ATRNL1: variants seen among roughly 807,000 people sequenced by gnomAD.
ATRNL1 encodes attractin like 1.
Under a neutral mutation model 182.7 loss-of-function variants are expected in ATRNL1, and 95 were observed. That is an observed-to-expected ratio of 0.52 (90% confidence interval 0.44 to 0.62). The LOEUF (loss-of-function observed/expected upper bound fraction) is 0.62, where lower values mean the gene tolerates loss of function less well. ATRNL1 is among the 20% of genes least tolerant of loss of function. The pLI is 0.00. For missense variants in ATRNL1, 1,471 were observed against 1,679.5 expected, an observed-to-expected ratio of 0.88 and a Z score of 2.17; for synonymous variants, 576 against 568.3, an observed-to-expected ratio of 1.01 and a Z score of -0.19.
intron 28 of ATRNL1, among the ~76,000 whole-genome samples, chr10:115,885,424 A>G (rs942156935): frequency 1.3e-5 from 2 of 152,212 alleles, no homozygotes; most frequent in Non-Finnish European, 2.9e-5. Context: ...TGCCTCAAAT[A>G]ACAAGTACTT....
intron 15 of ATRNL1, among the ~76,000 whole-genome samples, chr10:115,293,274 C>A (rs1446769001): frequency 6.6e-6 from 1 of 151,966 alleles, no homozygotes; most frequent in African/African-American, 2.4e-5. Flanking sequence ...TCTTAGGCAG[C>A]ATATTGTTAG....
chr10:115,653,928 T>C (rs1478421376), intron 26 of ATRNL1, among the ~76,000 whole-genome samples: 1 of 152,204 alleles, frequency 6.6e-6, no homozygotes, highest in Non-Finnish European at 1.5e-5. Flanking sequence ...ACATCCTTTT[T>C]TATGTGTAAC....
At chr10:115,453,985 G>T (rs933693004) in intron 21 of ATRNL1, among the ~76,000 whole-genome samples, 5 of 151,998 alleles carry the variant, frequency 3.3e-5, no homozygotes, top group African/African-American at 1.2e-4. Context: ...CCATTGTGAA[G>T]TTCTCTGTTG....
In ATRNL1 at chr10:115,165,604, G is replaced by A. The variant is rs782224122; in HGVS notation, c.1051G>A (p.Gly351Arg). 18 of 1,544,082 alleles carry A rather than the reference G, an allele frequency of 1.2e-5. No individual in the cohort carries two copies. The South Asian group carries it at 2.2e-4, about 19-fold the overall frequency. Residue 351 changes from glycine to arginine, a missense_variant, in exon 7 of 29, where the codon GGA becomes AGA. This residue lies in a region of ATRNL1 where 1,031 missense variants were observed against 1,156.0 expected (regional missense o/e 0.89). Transcript: ENST00000355044. Reference protein sequence around the residue: ...SIWNVGTPSRGPLQRYGHSLA... With the variant: ...SIWNVGTPSRRPLQRYGHSLA... ...ATGGAATGTAGGAACTCCATCAAGG[G>A]GACCTCTCCAGAGATATGGACACTC...
intron 8 of ATRNL1, among the ~76,000 whole-genome samples, chr10:115,188,054 AGGGG>A (rs1848021107): frequency 1.5e-4 from 2 of 13,500 alleles, no homozygotes; most frequent in Non-Finnish European, 2.9e-4. Context: ...AGGGAGGGGG[AGGGG>A]GAGGGGGAGA....
chr10:115,110,983 G>C (rs1386805623), intron 1 of ATRNL1, among the ~76,000 whole-genome samples: 20 of 152,172 alleles, frequency 1.3e-4, no homozygotes, highest in Non-Finnish European at 2.8e-4. Context: ...TGGCATTTTA[G>C]ATATCTGATT....
At chr10:115,699,789 C>T (rs1239545692) in intron 26 of ATRNL1, among the ~76,000 whole-genome samples, 3 of 152,274 alleles carry the variant, frequency 2.0e-5, no homozygotes, top group East Asian at 1.9e-4. Context: ...ACCCCGTCAT[C>T]GAAGTAGTGA....
chr10:115,137,625 G>C (rs1280286941), intron 5 of ATRNL1, among the ~76,000 whole-genome samples: 12 of 152,170 alleles, frequency 7.9e-5, no homozygotes, highest in Admixed American at 7.9e-4. Flanking sequence ...AAAACCATCA[G>C]ATCTTGTGAG....
At chr10:115,302,948 T>TCAAAATAGG (rs1190051718) in intron 17 of ATRNL1, among the ~76,000 whole-genome samples, 2 of 137,384 alleles carry the variant, frequency 1.5e-5, no homozygotes, top group African/African-American at 7.2e-5. Flanking sequence ...CTGACGCTCA[T>TCAAAATAGG]CAAAAATATG....
intron 8 of ATRNL1, among the ~76,000 whole-genome samples, chr10:115,199,331 C>T (rs1014590241): frequency 1.3e-5 from 2 of 151,856 alleles, no homozygotes; most frequent in South Asian, 4.2e-4. Flanking sequence ...ACTTTGGAGG[C>T]CAAGATGGGC....
At chr10:115,100,530 A>T (rs1166685865) in intron 1 of ATRNL1, among the ~76,000 whole-genome samples, 1 of 152,172 alleles carries the variant, frequency 6.6e-6, no homozygotes, top group Non-Finnish European at 1.5e-5. Flanking sequence ...TCTCTGTTAA[A>T]GTAGCTTTGC....
At chr10:115,631,548 G>A (rs2133831606) in intron 26 of ATRNL1, among the ~76,000 whole-genome samples, 1 of 152,130 alleles carries the variant, frequency 6.6e-6, no homozygotes, top group Non-Finnish European at 1.5e-5. Flanking sequence ...TTGAGTATAA[G>A]GGAATAGATG....
intron 19 of ATRNL1, among the ~76,000 whole-genome samples, chr10:115,363,533 T>C (rs1856860193): frequency 6.8e-6 from 1 of 146,614 alleles, no homozygotes; most frequent in Non-Finnish European, 1.5e-5. Context: ...TTAGATCCCA[T>C]TTGTCAATTT....
intron 26 of ATRNL1, among the ~76,000 whole-genome samples, chr10:115,589,543 T>A (rs1376348709): frequency 6.6e-6 from 1 of 152,152 alleles, no homozygotes; most frequent in Non-Finnish European, 1.5e-5. Context: ...ATTCTCATTG[T>A]ACAAAGTCTA....
chr10:115,517,649 A>G (rs1203907959), intron 24 of ATRNL1, among the ~76,000 whole-genome samples: 1 of 151,756 alleles, frequency 6.6e-6, no homozygotes, highest in African/African-American at 2.4e-5. Context: ...CTTTTCATTT[A>G]GGTATTTATC....
At chr10:115,245,110 T>C (rs1554903743) in intron 10 of ATRNL1, among the ~76,000 whole-genome samples, 1 of 152,170 alleles carries the variant, frequency 6.6e-6, no homozygotes, top group African/African-American at 2.4e-5. Flanking sequence ...TAATTTTTTA[T>C]TTGGGAAAGT....
intron 14 of ATRNL1, 70 bp downstream of exon 14, chr10:115,281,557 T>G: frequency 2.8e-6 from 4 of 1,436,238 alleles, no homozygotes; most frequent in Non-Finnish European, 3.8e-6. Flanking sequence ...AAAGTACATT[T>G]AGTAAGGACA....
Position 115,839,260 on chromosome 10 carries a change from G to A in ATRNL1, c.3904-8617G>A, listed in dbSNP as rs188889489. Reference sequence around the variant, plus strand: ...TAGAGAGAGGTTTGCTTGTGTTCACGAGGGATGATGCGCACATCTTGATGA... The same window carrying A: ...TAGAGAGAGGTTTGCTTGTGTTCACAAGGGATGATGCGCACATCTTGATGA... On this transcript the variant is annotated intron_variant, in intron 27 of 28. Transcript: ENST00000355044. Among the ~76,000 whole-genome samples, 9 of 152,214 alleles carry A rather than the reference G, an allele frequency of 5.9e-5. No individual in the cohort carries two copies. In the East Asian group the frequency reaches 1.2e-3, roughly 20 times the overall value.
rs543752125 is a variant in ATRNL1 at position 115,573,450 on chromosome 10, G to A, written c.3795+23914G>A. Among the ~76,000 whole-genome samples the A allele has an allele frequency of 4.6e-5, 7 of 152,054 alleles. No individual in the cohort carries two copies. In the East Asian group the frequency reaches 1.4e-3, roughly 30 times the overall value. The stretch of plus-strand genomic sequence containing the variant: ...TCAGGGTTTACATGGGGGCAGGATG[G>A]GGGCATGGCTGGGGGTAGGATAGGG... On this transcript the variant is annotated intron_variant, in intron 26 of 28. Coordinates refer to ENST00000355044, the MANE Select transcript of ATRNL1 (RefSeq NM_207303.4).
Sources: allele counts gnomAD v4.1 joint callset (sites outside exome capture counted in the v4.1 genomes callset), GRCh38; gene constraint gnomAD v4.1.1; regional missense constraint gnomAD v4.1.1; transcripts MANE v1.5; gene names NCBI Gene and HGNC (gene_info 2026-07-23, HGNC 2026-07-21).